Variants in CFAP46 observed in about 807,000 individuals in gnomAD.
The protein encoded by CFAP46 is cilia- and flagella-associated protein 46.
In CFAP46, 245 loss-of-function variants were observed where a neutral mutation model predicts 325.7. The ratio of observed to expected loss-of-function variants is 0.75; its 90% confidence interval spans 0.68 to 0.84. The LOEUF (loss-of-function observed/expected upper bound fraction) is 0.84, where lower values mean the gene tolerates loss of function less well. Among genes scored for constraint, CFAP46 ranks in the 40% least tolerant of loss-of-function variants. The pLI, the probability that CFAP46 is intolerant of heterozygous loss-of-function variation, is 0.00. For missense variants in CFAP46, 3,346 were observed against 3,543.0 expected, an observed-to-expected ratio of 0.94 and a Z score of 1.41; for synonymous variants, 1,523 against 1,495.9, an observed-to-expected ratio of 1.02 and a Z score of -0.42.
At position 132,919,381 on chromosome 10, in the gene CFAP46, G is replaced by C; in HGVS notation, c.1792C>G (p.Arg598Gly). 6.5e-7 allele frequency: 1 copy of C among 1,550,072 alleles called. No individual in the cohort carries two copies. The highest frequency in any genetic ancestry group is 8.7e-7 in the Non-Finnish European group (1 of 1,146,898). The change falls in exon 15 of 58, where the codon CGG (arginine) becomes GGG (glycine). Residue 598 changes from arginine to glycine, a missense_variant. By Grantham distance (125) the Arg-to-Gly change is moderately radical. Coordinates refer to ENST00000368586, the MANE Select transcript of CFAP46 (RefSeq NM_001200049.3). The surrounding 1 kb of genome is among the most constrained non-coding windows in gnomAD (Gnocchi z 9.7). ...AGGAGGCAGAAGCGGCTCGCCGTCC[G>C]ACAGACGTCCCACACGCCTTGTTTC... ...ARKQGVWDVC[R>G]TASRFCLLYD... is the part of the protein sequence containing the mutation.
In CFAP46 at chr10:132,885,976, G is replaced by T; in HGVS notation, c.3305-17C>A. On this transcript the variant is annotated splice_polypyrimidine_tract_variant and intron_variant, in intron 25 of 57. Coordinates refer to ENST00000368586, the MANE Select transcript of CFAP46 (RefSeq NM_001200049.3). ...CCTCAGCCCCTGGGAGGGAGAAGGA[G>T]GGGTGTCCTTGGAGCCGCCTGATCC... The T allele has an allele frequency of 6.5e-7, 1 of 1,548,406 alleles. No individual in the cohort carries two copies. The highest frequency in any genetic ancestry group is 1.4e-5 in the African/African-American group (1 of 73,120).
chr10:132,833,258 G>A (rs1848180774), intron 50 of CFAP46, 100 bp downstream of exon 50: 2 of 1,190,694 alleles, frequency 1.7e-6, no homozygotes, highest in African/African-American at 1.5e-5. Flanking sequence ...AACATTTGAT[G>A]ATTATTTCTT....
intron 7 of CFAP46, among the ~76,000 whole-genome samples, chr10:132,935,821 A>G (rs1329274968): frequency 1.4e-4 from 9 of 66,172 alleles, no homozygotes; most frequent in Admixed American, 3.4e-4. Flanking sequence ...TGATCTCCTC[A>G]CTCCCCTCGG....
At chr10:132,899,485 G>A (rs979729266) in intron 23 of CFAP46, 50 bp downstream of exon 23, 38 of 1,497,160 alleles carry the variant, frequency 2.5e-5, no homozygotes, top group Middle Eastern at 4.8e-4. Context: ...CAGGGGTCCC[G>A]CACGGCCGGG....
Position 132,857,762 on chromosome 10 carries a change from T to G in CFAP46, c.5402A>C (p.Glu1801Ala), listed in dbSNP as rs775840111. 5.1e-6 allele frequency: 8 copies of G among 1,569,592 alleles called. No individual in the cohort carries two copies. Among genetic ancestry groups the G allele is most frequent in the Non-Finnish European group, 6.0e-6 (7 of 1,158,766 alleles). Reference sequence around the variant, plus strand: ...CAAGTAATACGCAGTTTTTTGTTCTTCATCTTTCTCGTTCTGGGCACGTAA... The same window carrying G: ...CAAGTAATACGCAGTTTTTTGTTCTGCATCTTTCTCGTTCTGGGCACGTAA... ...KRLRAQNEKD[E>A]EQKTAYYLEA... The change falls in exon 39 of 58, where the codon GAA becomes GCA. Residue 1801 changes from glutamate (E) to alanine (A), a missense_variant. Coordinates refer to ENST00000368586, the MANE Select transcript of CFAP46 (RefSeq NM_001200049.3).
chr10:132,810,597 C>T (rs780268744), intron 56 of CFAP46, 108 bp from the exon 57 acceptor site: 19 of 971,202 alleles, frequency 2.0e-5, no homozygotes, highest in Middle Eastern at 2.1e-4. Context: ...TCCCATAAGA[C>T]GCTGGCCCGC....
At position 132,909,974 on chromosome 10, in the gene CFAP46, T is replaced by C. The variant is rs1029759102; in HGVS notation, c.2594A>G (p.Lys865Arg). 105 of 1,541,216 alleles carry C rather than the reference T, an allele frequency of 6.8e-5. No homozygotes were observed. The highest frequency in any genetic ancestry group is 8.7e-5 in the Non-Finnish European group (99 of 1,143,784). Reference protein sequence around the residue: ...TRQQLIATWVKAKQLLQQQIG... With the variant: ...TRQQLIATWVRAKQLLQQQIG... The stretch of plus-strand genomic sequence containing the variant: ...CTGCTGCTGCAGCAGCTGCTTGGCC[T>C]TGACCCAGGTGGCGATAAGCTGCTG... Residue 865 changes from lysine (K) to arginine (R), a missense_variant, in exon 20 of 58, where the codon AAG becomes AGG. Physicochemically the swap from Lys to Arg is conservative, Grantham distance 26. Transcript: ENST00000368586.
At position 132,877,779 on chromosome 10, in the gene CFAP46, C is replaced by T; in HGVS notation, c.4212+102G>A. The T allele has an allele frequency of 1.5e-6, 2 of 1,330,190 alleles. No homozygotes were observed. Among genetic ancestry groups the T allele is most frequent in the Non-Finnish European group, 2.1e-6 (2 of 963,746 alleles). The allele number at this position is 1,330,190 out of a possible 1,614,324, so 82.4% of individuals were successfully genotyped here. ...GGCCATCCCGGGCCCGGCCTCTGCA[C>T]TGAGGCCGCCTGGGGCTCCTCCGAG... On this transcript the variant is annotated intron_variant, in intron 30 of 57. Coordinates refer to ENST00000368586, the MANE Select transcript of CFAP46 (RefSeq NM_001200049.3). The surrounding 1 kb of genome is among the most constrained non-coding windows in gnomAD (Gnocchi z 5.7).
intron 20 of CFAP46, among the ~76,000 whole-genome samples, chr10:132,909,596 C>T (rs937960158): frequency 6.6e-6 from 1 of 152,170 alleles, no homozygotes; most frequent in African/African-American, 2.4e-5. Flanking sequence ...TGGCTCCTGG[C>T]CAGGCTCCAA....
intron 43 of CFAP46, 71 bp from the exon 44 acceptor site, chr10:132,846,298 G>T (rs1848435802): frequency 6.6e-7 from 1 of 1,513,728 alleles, no homozygotes; most frequent in Admixed American, 2.0e-5. Flanking sequence ...CCTGCGGAGG[G>T]TGCGCAGCAG....
At position 132,864,640 on chromosome 10, in the gene CFAP46, C is replaced by CGCCTGAGACCTGCACACACCTGTCCCCAG; in HGVS notation, c.4890+1384_4890+1385insCTGGGGACAGGTGTGTGCAGGTCTCAGGC. Among the ~76,000 whole-genome samples, 2 of 27,406 alleles carry CGCCTGAGACCTGCACACACCTGTCCCCAG rather than the reference C, an allele frequency of 7.3e-5. 1 individual carries two copies. The highest frequency in any genetic ancestry group is 6.1e-4 in the African/African-American group (2 of 3,256). 18.0% of individuals were successfully genotyped at this position (27,406 alleles called of 152,430 possible). A position where few individuals can be genotyped will look rare whatever the true frequency, so the allele number is the denominator to read the frequency against. On this transcript the variant is annotated intron_variant, in intron 35 of 57. Transcript: ENST00000368586. ...CCGAGACTTGCACACACCTGTCCCC[C>CGCCTGAGACCTGCACACACCTGTCCCCAG]TGCCTGAGACCTGCACACACCTGTC... is the stretch of plus-strand genomic sequence containing the variant.
intron 17 of CFAP46, among the ~76,000 whole-genome samples, chr10:132,913,872 C>A (rs967936875): frequency 6.6e-6 from 1 of 151,858 alleles, no homozygotes; most frequent in Non-Finnish European, 1.5e-5. Flanking sequence ...CCACCTGAAG[C>A]CTGGCCTGGT....
chr10:132,913,369 A>T (rs1014631197), intron 17 of CFAP46, 111 bp from the exon 18 acceptor site: 790 of 295,504 alleles, frequency 2.7e-3, no homozygotes, highest in East Asian at 8.5e-3. Context: ...AAGAAGTGGG[A>T]GGGGCGGGTG....
chr10:132,844,680 A>G (rs1848405509), intron 44 of CFAP46, among the ~76,000 whole-genome samples: 1 of 152,104 alleles, frequency 6.6e-6, no homozygotes, highest in Non-Finnish European at 1.5e-5. Context: ...TCCTGCACAC[A>G]CACTGGTGTC....
rs929296656 is a variant in CFAP46 at position 132,908,493 on chromosome 10, T to A, written c.2899A>T (p.Ile967Phe). Residue 967 changes from isoleucine (I) to phenylalanine (F), a missense_variant, in exon 22 of 58, where the codon ATC becomes TTC. Transcript: ENST00000368586. ...GGCCCAAATTTCTTCAGGTACTTGA[T>A]GCCCATCTCCAGAGCCCTGTGAGCA... Reference protein sequence around the residue: ...ACAHRALEMGIKYLKKFGPEE... With the variant: ...ACAHRALEMGFKYLKKFGPEE... 3 of 1,550,564 alleles carry A rather than the reference T, an allele frequency of 1.9e-6. No individual in the cohort carries two copies. The highest frequency in any genetic ancestry group is 2.6e-6 in the Non-Finnish European group (3 of 1,146,996).
chr10:132,836,644 C>G (rs534898891), intron 45 of CFAP46, among the ~76,000 whole-genome samples, 173 bp downstream of exon 45: 44 of 152,190 alleles, frequency 2.9e-4, no homozygotes, highest in Middle Eastern at 3.4e-3. Context: ...GGCCCCCCCC[C>G]CTTGGGGTAC....
Position 132,876,974 on chromosome 10 carries a change from G to A in CFAP46, c.4213-13C>T. On this transcript the variant is annotated splice_polypyrimidine_tract_variant and intron_variant, in intron 30 of 57. Coordinates refer to ENST00000368586, the MANE Select transcript of CFAP46 (RefSeq NM_001200049.3). The surrounding 1 kb of genome is among the most constrained non-coding windows in gnomAD (Gnocchi z 4.1). Reference sequence around the variant, plus strand: ...CTGGGCTTTGAGACTAGAAAGGCAAGAATACAGGATTTACCTGAAACGGTG... The same window carrying A: ...CTGGGCTTTGAGACTAGAAAGGCAAAAATACAGGATTTACCTGAAACGGTG... The A allele has an allele frequency of 6.5e-7, 1 of 1,548,786 alleles. No individual in the cohort carries two copies. The highest frequency in any genetic ancestry group is 8.7e-7 in the Non-Finnish European group (1 of 1,146,170).
intron 39 of CFAP46, among the ~76,000 whole-genome samples, chr10:132,852,215 C>T (rs1307309791): frequency 6.8e-6 from 1 of 147,240 alleles, no homozygotes; most frequent in Non-Finnish European, 1.5e-5. Context: ...GTATGTTCCT[C>T]CATTTACTTA....
intron 44 of CFAP46, among the ~76,000 whole-genome samples, chr10:132,843,023 C>G (rs1218654800): frequency 6.6e-6 from 1 of 152,248 alleles, no homozygotes; most frequent in Non-Finnish European, 1.5e-5. Flanking sequence ...GACAAACGTT[C>G]AAATCATAGC....
Sources: allele counts gnomAD v4.1 joint callset (sites outside exome capture counted in the v4.1 genomes callset), GRCh38; gene constraint gnomAD v4.1.1; non-coding constraint Gnocchi (gnomAD v3.1); transcripts MANE v1.5; gene names NCBI Gene and HGNC (gene_info 2026-07-23, HGNC 2026-07-21).